Variants in ZCCHC7 observed in about 807,000 individuals in gnomAD.
The protein encoded by ZCCHC7 is zinc finger CCHC domain-containing protein 7.
In ZCCHC7, 35 loss-of-function variants were observed where a neutral mutation model predicts 52.0. That is an observed-to-expected ratio of 0.67 (90% CI 0.51 to 0.89). ZCCHC7 has a LOEUF of 0.89. ZCCHC7 is among the 40% of genes least tolerant of loss of function. ZCCHC7 has a pLI of 0.00. For synonymous variants in ZCCHC7, 217 were observed against 221.5 expected (o/e 0.98, Z 0.18); for missense variants, 574 against 649.1 (o/e 0.88, Z 1.26).
chr9:37,327,873 G>A (rs1344148376), intron 6 of ZCCHC7, 39 bp downstream of exon 6: 4 of 1,606,790 alleles, frequency 2.5e-6, no homozygotes, highest in East Asian at 4.5e-5. Context: ...CCAAGACCTA[G>A]CCTATTTACC....
intron 2 of ZCCHC7, among the ~76,000 whole-genome samples, chr9:37,166,697 C>T (rs1210399191): frequency 6.6e-6 from 1 of 152,036 alleles, no homozygotes; most frequent in East Asian, 1.9e-4. Context: ...ATCAATTTCC[C>T]ACTAAGTACT....
intron 2 of ZCCHC7, among the ~76,000 whole-genome samples, chr9:37,196,603 T>TG (rs1333756322): frequency 1.3e-5 from 2 of 152,200 alleles, no homozygotes; most frequent in Non-Finnish European, 2.9e-5. Flanking sequence ...TATCTAGCTT[T>TG]GTTACATAGT....
chr9:37,287,550 T>A (rs1828311272), intron 2 of ZCCHC7, among the ~76,000 whole-genome samples: 2 of 152,156 alleles, frequency 1.3e-5, no homozygotes, highest in African/African-American at 2.4e-5. Flanking sequence ...TTGAGTTTTA[T>A]GAATTCAAGT....
At chr9:37,237,718 A>G (rs1326294157) in intron 2 of ZCCHC7, among the ~76,000 whole-genome samples, 2 of 152,360 alleles carry the variant, frequency 1.3e-5, no homozygotes, top group East Asian at 3.9e-4. Flanking sequence ...GAGATGTGAC[A>G]TGCAAGTTTA....
chr9:37,199,345 T>C (rs13291708), intron 2 of ZCCHC7, among the ~76,000 whole-genome samples: 6 of 144,504 alleles, frequency 4.2e-5, no homozygotes, highest in African/African-American at 8.4e-5. Flanking sequence ...TTTTTTTTTT[T>C]CTTGAGACGG....
intron 2 of ZCCHC7, among the ~76,000 whole-genome samples, chr9:37,151,050 C>T (rs563635173): frequency 3.1e-4 from 47 of 151,012 alleles, no homozygotes; most frequent in Admixed American, 1.3e-3. Flanking sequence ...CTGCAAGCTC[C>T]GCCTCCCGGG....
chr9:37,297,168 T>G (rs1361302955), intron 2 of ZCCHC7, among the ~76,000 whole-genome samples: 1 of 152,344 alleles, frequency 6.6e-6, no homozygotes, highest in South Asian at 2.1e-4. Flanking sequence ...ATATATACTT[T>G]TTGTCCTTTT....
At chr9:37,285,499 C>T (rs1828163877) in intron 2 of ZCCHC7, among the ~76,000 whole-genome samples, 1 of 152,026 alleles carries the variant, frequency 6.6e-6, no homozygotes, top group Non-Finnish European at 1.5e-5. Context: ...AAATAGGTTG[C>T]TAGCAACACA....
At chr9:37,176,128 C>T (rs1401744464) in intron 2 of ZCCHC7, among the ~76,000 whole-genome samples, 1 of 152,040 alleles carries the variant, frequency 6.6e-6, no homozygotes, top group Non-Finnish European at 1.5e-5. Context: ...GGCTGGAGTC[C>T]AGTGGCTCGA....
intron 5 of ZCCHC7, among the ~76,000 whole-genome samples, chr9:37,310,686 C>G (rs1471267639): frequency 6.6e-6 from 1 of 152,094 alleles, no homozygotes; most frequent in Non-Finnish European, 1.5e-5. Flanking sequence ...CGGAGGATCT[C>G]TCAACTTTCT....
chr9:37,209,763 C>T (rs1824114632), intron 2 of ZCCHC7, among the ~76,000 whole-genome samples: 1 of 152,122 alleles, frequency 6.6e-6, no homozygotes, highest in Non-Finnish European at 1.5e-5. Context: ...AGCATTAGGA[C>T]TCTGGAGAAG....
At chr9:37,285,929 C>T (rs1828187278) in intron 2 of ZCCHC7, among the ~76,000 whole-genome samples, 1 of 152,130 alleles carries the variant, frequency 6.6e-6, no homozygotes, top group African/African-American at 2.4e-5. Flanking sequence ...AAACTTGGGG[C>T]ATTATTTTTG....
intron 2 of ZCCHC7, among the ~76,000 whole-genome samples, chr9:37,291,973 G>A (rs184544431): frequency 8.5e-5 from 13 of 152,286 alleles, no homozygotes; most frequent in Admixed American, 8.5e-4. Flanking sequence ...GATTACAGGC[G>A]TGAGCCACTG....
intron 2 of ZCCHC7, among the ~76,000 whole-genome samples, chr9:37,212,059 A>AAAAAAAAAAAG (rs1824264087): frequency 6.9e-6 from 1 of 145,574 alleles, no homozygotes; most frequent in African/African-American, 2.5e-5. Context: ...AAAAAAAAAA[A>AAAAAAAAAAAG]AAAAAAGAAA....
At chr9:37,202,774 G>A (rs545941053) in intron 2 of ZCCHC7, among the ~76,000 whole-genome samples, 9 of 152,304 alleles carry the variant, frequency 5.9e-5, no homozygotes, top group South Asian at 2.1e-4. Context: ...AAGCCATCAC[G>A]CCCGGCCCTT....
At chr9:37,212,865 C>T (rs973945404) in intron 2 of ZCCHC7, among the ~76,000 whole-genome samples, 2 of 151,588 alleles carry the variant, frequency 1.3e-5, no homozygotes, top group Non-Finnish European at 2.9e-5. Context: ...AACACATGCA[C>T]AGTAGTTTTG....
chr9:37,334,312 T>G (rs1360762036), intron 6 of ZCCHC7, among the ~76,000 whole-genome samples: 1 of 151,990 alleles, frequency 6.6e-6, no homozygotes, highest in Non-Finnish European at 1.5e-5. Flanking sequence ...ACATTCATTT[T>G]GGTAGTCATG....
intron 2 of ZCCHC7, among the ~76,000 whole-genome samples, chr9:37,270,031 C>G (rs1473694034): frequency 6.6e-6 from 1 of 151,996 alleles, no homozygotes; most frequent in Non-Finnish European, 1.5e-5. Flanking sequence ...ATGTGTGTAT[C>G]TGGTCTGAAT....
At chr9:37,139,652 C>T (rs1022284412) in intron 2 of ZCCHC7, among the ~76,000 whole-genome samples, 4 of 151,928 alleles carry the variant, frequency 2.6e-5, no homozygotes, top group Admixed American at 1.3e-4. Context: ...TTTGCAAACA[C>T]GTTTTAAGGG....
Sources: allele counts gnomAD v4.1 joint callset (sites outside exome capture counted in the v4.1 genomes callset), GRCh38; gene constraint gnomAD v4.1.1; transcripts MANE v1.5; gene names NCBI Gene and HGNC (gene_info 2026-07-23, HGNC 2026-07-21).